STIM2: variants seen among roughly 807,000 people sequenced by gnomAD.
STIM2 encodes stromal interaction molecule 2.
A neutral mutation model predicts 85.8 loss-of-function variants in STIM2; 31 were observed. The observed-to-expected ratio is 0.36, with a 90% confidence interval of 0.27 to 0.49. The LOEUF is 0.49. STIM2 is among the 20% of genes least tolerant of loss of function. STIM2 has a pLI of 0.98. For missense variants in STIM2, 841 were observed against 927.6 expected, an observed-to-expected ratio of 0.91 and a Z score of 1.21; for synonymous variants, 356 against 331.1, an observed-to-expected ratio of 1.08 and a Z score of -0.82.
At chr4:26,871,651 G>A (rs952990840) in intron 1 of STIM2, among the ~76,000 whole-genome samples, 1 of 150,410 alleles carries the variant, frequency 6.6e-6, no homozygotes, top group African/African-American at 2.4e-5. Flanking sequence ...TTTTTAAGAA[G>A]CATAGCATCT....
intron 2 of STIM2, among the ~76,000 whole-genome samples, chr4:26,920,477 C>T (rs1009933696): frequency 6.6e-5 from 10 of 152,278 alleles, no homozygotes; most frequent in African/African-American, 2.4e-4. Flanking sequence ...CTCATTCTAA[C>T]CAAATCCCCT....
chr4:26,882,571 C>T (rs960681864), intron 1 of STIM2, among the ~76,000 whole-genome samples: 3 of 151,850 alleles, frequency 2.0e-5, no homozygotes, highest in African/African-American at 7.3e-5. Flanking sequence ...GATCCTCCTG[C>T]CTCAGTCTCC....
intron 3 of STIM2, among the ~76,000 whole-genome samples, chr4:26,970,782 G>A (rs570876488): frequency 6.6e-6 from 1 of 152,176 alleles, no homozygotes; most frequent in South Asian, 2.1e-4. Flanking sequence ...TGGGTCAAAT[G>A]GTAATTCTAG....
chr4:26,962,559 AGTGTGTGTGTGTGTGT>A (rs34301656), intron 3 of STIM2, among the ~76,000 whole-genome samples: 21 of 142,720 alleles, frequency 1.5e-4, no homozygotes, highest in African/African-American at 4.7e-4. Flanking sequence ...ACTTTAATGC[AGTGTGTGTGTGTGTGT>A]GTGTGTGTGT....
chr4:26,861,223 T>G lies in STIM2; in HGVS notation c.5T>G (p.Leu2Arg). ...CGGCGGCGGCGCTGGGCTGCGTTGC[T>G]GGTGCTCGGGCTGCTGGTAGCCGGA... The change falls in exon 1 of 12, where the codon CTG becomes CGG. Residue 2 changes from leucine to arginine, a missense_variant. Leu to Arg is a moderately radical substitution (Grantham distance 102, BLOSUM62 -2). This residue lies in a region of STIM2 where 140 missense variants were observed against 117.7 expected (regional missense o/e 1.19). Transcript: ENST00000467087. 6.7e-7 allele frequency: 1 copy of G among 1,488,106 alleles called. No homozygotes were observed. Among genetic ancestry groups the G allele is most frequent in the Non-Finnish European group, 8.9e-7 (1 of 1,125,408 alleles). 92.2% of individuals were successfully genotyped at this position (1,488,106 alleles called of 1,614,324 possible).
At chr4:26,867,752 A>G (rs1352943636) in intron 1 of STIM2, among the ~76,000 whole-genome samples, 1 of 152,242 alleles carries the variant, frequency 6.6e-6, no homozygotes, top group African/African-American at 2.4e-5. Context: ...TTATATTAGT[A>G]TACATTGGAT....
Position 27,017,967 on chromosome 4 carries a change from C to T in STIM2, c.1746C>T (p.Phe582=). The change falls in exon 11 of 12, where the codon TTC becomes TTT. Residue 582 remains phenylalanine, a synonymous_variant. Coordinates refer to ENST00000467087, the MANE Select transcript of STIM2 (RefSeq NM_020860.4). ...AAGAGGAGGAAGAGGCCATTTACTT[C>T]TCTGCTGAAAAGCAATGGTATTGGC... 2 of 1,614,080 alleles carry T rather than the reference C, an allele frequency of 1.2e-6. No homozygotes were observed. The highest frequency in any genetic ancestry group is 1.7e-6 in the Non-Finnish European group (2 of 1,180,016).
At chr4:26,861,593 C>A in intron 1 of STIM2, 1 of 522,576 alleles carries the variant, frequency 1.9e-6, no homozygotes, top group Non-Finnish European at 2.9e-6. Flanking sequence ...GCACTGATTC[C>A]CCTCCCTTCA....
intron 11 of STIM2, chr4:27,021,726 G>A (rs1458169705): frequency 1.2e-5 from 5 of 428,958 alleles, no homozygotes; most frequent in East Asian, 7.0e-5. Context: ...TTAGGAAGCC[G>A]TTGCAATCAT....
chr4:26,999,372 GA>G, intron 5 of STIM2, 25 bp downstream of exon 5: 1 of 1,465,036 alleles, frequency 6.8e-7, no homozygotes, highest in Non-Finnish European at 9.4e-7. Context: ...TCACTCAGAG[GA>G]TGATGTAAAA....
At chr4:26,892,359 T>C (rs568862669) in intron 1 of STIM2, among the ~76,000 whole-genome samples, 36 of 152,292 alleles carry the variant, frequency 2.4e-4, no homozygotes, top group African/African-American at 8.2e-4. Flanking sequence ...TTTGCGGCCA[T>C]CTTTTTGTAT....
At chr4:26,948,412 G>A (rs1460516714) in intron 2 of STIM2, among the ~76,000 whole-genome samples, 1 of 152,202 alleles carries the variant, frequency 6.6e-6, no homozygotes, top group African/African-American at 2.4e-5. Context: ...TCTCCACAGA[G>A]GGGACGAACT....
intron 1 of STIM2, among the ~76,000 whole-genome samples, chr4:26,877,311 A>AT (rs1268686442): frequency 6.6e-6 from 1 of 151,992 alleles, no homozygotes; most frequent in East Asian, 1.9e-4. Flanking sequence ...TAGCATTGCC[A>AT]TTTGACTCTC....
At chr4:26,933,912 G>A (rs989271221) in intron 2 of STIM2, among the ~76,000 whole-genome samples, 5 of 151,828 alleles carry the variant, frequency 3.3e-5, no homozygotes, top group Non-Finnish European at 7.4e-5. Flanking sequence ...GCAAAAATAC[G>A]GCTGGGTGCA....
intron 4 of STIM2, among the ~76,000 whole-genome samples, chr4:26,998,840 A>G (rs1728049378): frequency 6.6e-6 from 1 of 151,316 alleles, no homozygotes. Context: ...TGAACCCGGG[A>G]GGCGGAGGTT....
At chr4:26,996,879 A>T (rs537813892) in intron 4 of STIM2, among the ~76,000 whole-genome samples, 2 of 152,270 alleles carry the variant, frequency 1.3e-5, no homozygotes, top group East Asian at 3.9e-4. Flanking sequence ...AAAATAGGCT[A>T]ATCTGAGTTT....
chr4:26,934,311 T>C (rs1725318524), intron 2 of STIM2, among the ~76,000 whole-genome samples: 1 of 152,252 alleles, frequency 6.6e-6, no homozygotes, highest in African/African-American at 2.4e-5. Flanking sequence ...TACATCCTTT[T>C]TGGGTGTCGG....
intron 1 of STIM2, among the ~76,000 whole-genome samples, chr4:26,877,864 T>C (rs1722867919): frequency 6.6e-6 from 1 of 152,168 alleles, no homozygotes; most frequent in Non-Finnish European, 1.5e-5. Flanking sequence ...GCTTAGGCCA[T>C]GAGAGCTCTA....
chr4:26,953,672 C>T (rs147479489), intron 2 of STIM2, among the ~76,000 whole-genome samples: 4 of 152,214 alleles, frequency 2.6e-5, no homozygotes, highest in African/African-American at 9.6e-5. Flanking sequence ...TAGAAAGTCA[C>T]CAAGAATGGA....
Sources: allele counts gnomAD v4.1 joint callset (sites outside exome capture counted in the v4.1 genomes callset), GRCh38; gene constraint gnomAD v4.1.1; regional missense constraint gnomAD v4.1.1; transcripts MANE v1.5; gene names NCBI Gene and HGNC (gene_info 2026-07-23, HGNC 2026-07-21).